GLIS3: variants seen among roughly 807,000 people sequenced by gnomAD.
The protein encoded by GLIS3 is GLIS family zinc finger 3, also known as zinc finger protein GLIS3.
GLIS3 carries 53 observed loss-of-function variants against 78.6 expected under a neutral mutation model. That is an observed-to-expected ratio of 0.67 (90% CI 0.54 to 0.85). The LOEUF is 0.85. Ranked by LOEUF, GLIS3 falls within the 40% of genes least tolerant of loss-of-function variation. GLIS3 has a pLI of 0.00. For missense variants in GLIS3, 1,703 were observed against 1,231.1 expected, an observed-to-expected ratio of 1.38 and a Z score of -5.74; for synonymous variants, 684 against 509.9, an observed-to-expected ratio of 1.34 and a Z score of -4.60.
intron 2 of GLIS3, among the ~76,000 whole-genome samples, chr9:4,183,271 G>A (rs1444259454): frequency 1.3e-5 from 2 of 152,038 alleles, no homozygotes; most frequent in African/African-American, 4.8e-5. Flanking sequence ...TGACTGTTGG[G>A]GTCACTTCAG....
intron 2 of GLIS3, among the ~76,000 whole-genome samples, chr9:4,201,453 G>C (rs1052563171): frequency 2.0e-5 from 3 of 152,142 alleles, no homozygotes; most frequent in South Asian, 2.1e-4. Flanking sequence ...TCCACCAAAG[G>C]CTCCTAGAAC....
At chr9:4,048,842 C>T (rs1419135359) in intron 4 of GLIS3, among the ~76,000 whole-genome samples, 1 of 152,210 alleles carries the variant, frequency 6.6e-6, no homozygotes, top group Non-Finnish European at 1.5e-5. Context: ...TTACTTCCAA[C>T]ATTTGAGCGC....
intron 4 of GLIS3, among the ~76,000 whole-genome samples, chr9:4,049,738 A>G (rs1421519086): frequency 6.6e-6 from 1 of 152,316 alleles, no homozygotes; most frequent in African/African-American, 2.4e-5. Flanking sequence ...AAAGAACTCA[A>G]ACAAATTTAC....
the GLIS3 span, among the ~76,000 whole-genome samples, chr9:4,393,317 G>A: frequency 2.0e-5 from 3 of 151,996 alleles, no homozygotes; most frequent in African/African-American, 7.3e-5. Flanking sequence ...GAGTAAGTTT[G>A]GAGACACTAT....
chr9:4,011,823 A>G lies in GLIS3; in HGVS notation c.1711-74634T>C, dbSNP rs543236867. 1.4e-3 allele frequency among the ~76,000 whole-genome samples: 219 copies of G among 152,298 alleles called. 1 individual carries two copies. Among genetic ancestry groups the G allele is most frequent in the Non-Finnish European group, 2.4e-3 (164 of 68,032 alleles). ...TCTAGGTATTCATGGGAAACTGGGC[A>G]TATCTGCTCTTAACATTTTTTTTTA... On this transcript the variant is annotated intron_variant, in intron 4 of 10. Coordinates refer to ENST00000381971, the MANE Select transcript of GLIS3 (RefSeq NM_001042413.2).
intron 2 of GLIS3, among the ~76,000 whole-genome samples, chr9:4,129,487 C>A (rs549544890): frequency 6.6e-6 from 1 of 152,176 alleles, no homozygotes; most frequent in African/African-American, 2.4e-5. Context: ...TCCTTTGGTG[C>A]TGTTTTCATG....
At chr9:4,356,031 C>G in the GLIS3 span, among the ~76,000 whole-genome samples, 2 of 152,094 alleles carry the variant, frequency 1.3e-5, no homozygotes, top group African/African-American at 4.8e-5. Context: ...ATTAGTTAGT[C>G]AAAAAATATA....
chr9:4,218,482 G>C (rs1821049680), intron 2 of GLIS3, among the ~76,000 whole-genome samples: 1 of 152,170 alleles, frequency 6.6e-6, no homozygotes, highest in Admixed American at 6.5e-5. Context: ...GTTTCACTGT[G>C]TTAGCCAGGA....
chr9:4,259,460 TA>T (rs1192651396), intron 2 of GLIS3, among the ~76,000 whole-genome samples: 1 of 152,056 alleles, frequency 6.6e-6, no homozygotes, highest in Non-Finnish European at 1.5e-5. Context: ...ACAAGGAAGT[TA>T]GGGGTGGGGG....
At position 4,055,528 on chromosome 9, in the gene GLIS3, C is replaced by T. The variant is rs545744047; in HGVS notation, c.1710+62240G>A. On this transcript the variant is annotated intron_variant, in intron 4 of 10. Transcript: ENST00000381971. ...CACAAAAGCTTAAAATATGTCATTA[C>T]ACTGTAGAGAATTTGTGACATCAAA... Among the ~76,000 whole-genome samples, 4 of 152,316 alleles carry T rather than the reference C, an allele frequency of 2.6e-5. No individual in the cohort carries two copies. The South Asian group carries it at 6.2e-4, about 24-fold the overall frequency.
chr9:4,448,264 C>A, the GLIS3 span, among the ~76,000 whole-genome samples: 1 of 152,186 alleles, frequency 6.6e-6, no homozygotes, highest in Admixed American at 6.5e-5. Context: ...CATTTCATCT[C>A]GTGTTTTCCT....
intron 6 of GLIS3, among the ~76,000 whole-genome samples, chr9:3,913,039 G>C (rs1022390950): frequency 1.3e-5 from 2 of 152,092 alleles, no homozygotes; most frequent in Non-Finnish European, 2.9e-5. Context: ...CAGCTATCTA[G>C]TAATTACTTC....
the GLIS3 span, among the ~76,000 whole-genome samples, chr9:4,358,403 C>T: frequency 1.3e-5 from 2 of 152,142 alleles, no homozygotes; most frequent in Admixed American, 1.3e-4. Context: ...CAAGTACCTT[C>T]ACAAACCGAA....
At chr9:3,930,606 C>A (rs1825552701) in intron 6 of GLIS3, among the ~76,000 whole-genome samples, 1 of 152,104 alleles carries the variant, frequency 6.6e-6, no homozygotes, top group Non-Finnish European at 1.5e-5. Context: ...GTTATGTTTC[C>A]AAATCTGTCA....
chr9:4,267,095 G>A (rs1826084704), intron 2 of GLIS3, among the ~76,000 whole-genome samples: 1 of 152,090 alleles, frequency 6.6e-6, no homozygotes, highest in Non-Finnish European at 1.5e-5. Flanking sequence ...GAGTGTCACT[G>A]CTTGGAGAAT....
At chr9:4,154,006 T>C (rs1010195941) in intron 2 of GLIS3, among the ~76,000 whole-genome samples, 7 of 152,248 alleles carry the variant, frequency 4.6e-5, no homozygotes, top group Admixed American at 1.3e-4. Context: ...ACTCCCGTGC[T>C]GCCAGGTGAT....
chr9:3,966,474 A>G lies in GLIS3; in HGVS notation c.1711-29285T>C, dbSNP rs541420321. The stretch of plus-strand genomic sequence containing the variant: ...GATAATGCTAATTGATGATATAAAA[A>G]AAGATGTCACATGAACTGCTTTAAA... On this transcript the variant is annotated intron_variant, in intron 4 of 10. Transcript: ENST00000381971. Among the ~76,000 whole-genome samples the G allele has an allele frequency of 5.3e-5, 8 of 152,240 alleles. No homozygotes were observed. In the South Asian group the frequency reaches 1.7e-3, roughly 32 times the overall value.
chr9:4,378,882 C>A, the GLIS3 span, among the ~76,000 whole-genome samples: 8 of 152,312 alleles, frequency 5.3e-5, no homozygotes, highest in South Asian at 1.7e-3. Flanking sequence ...GAGACTGATT[C>A]TTCCTCTATG....
chr9:3,864,781 A>C (rs1026316971), intron 8 of GLIS3, among the ~76,000 whole-genome samples: 9 of 152,226 alleles, frequency 5.9e-5, no homozygotes, highest in Non-Finnish European at 1.0e-4. Flanking sequence ...TTAAAAATAC[A>C]CAATTAGTGA....
Sources: gnomAD v4.1 joint callset for allele counts (sites outside exome capture counted in the v4.1 genomes callset) on GRCh38, gnomAD v4.1.1 for gene constraint, MANE v1.5 for transcripts, NCBI Gene and HGNC (gene_info 2026-07-23, HGNC 2026-07-21) for gene names.